The following POLR3B variants were observed in gnomAD, a reference collection of about 807,000 sequenced individuals.
POLR3B encodes the protein RNA polymerase III subunit B.
In POLR3B, 96 loss-of-function variants were observed where a neutral mutation model predicts 147.4. The ratio of observed to expected loss-of-function variants is 0.65; its 90% confidence interval spans 0.55 to 0.77. The LOEUF (loss-of-function observed/expected upper bound fraction) is 0.77. Ranked by LOEUF, POLR3B falls within the 30% of genes least tolerant of loss-of-function variation. The pLI, the probability that POLR3B is intolerant of heterozygous loss-of-function variation, is 0.00. For synonymous variants in POLR3B, 461 were observed against 485.9 expected (o/e 0.95, Z 0.67); for missense variants, 1,036 against 1,413.5 (o/e 0.73, Z 4.28).
Position 106,459,375 on chromosome 12 carries a change from A to G in POLR3B, c.2570+7A>G, listed in dbSNP as rs746039317. 4.5e-6 allele frequency: 6 copies of G among 1,339,284 alleles called. No homozygotes were observed. Among genetic ancestry groups the G allele is most frequent in the South Asian group, 2.3e-5 (2 of 85,736 alleles). The allele number at this position is 1,339,284 out of a possible 1,614,324, so 83.0% of individuals were successfully genotyped here. On this transcript the variant is annotated splice_region_variant and intron_variant, in intron 22 of 27. Transcript: ENST00000228347. ...ACAAAGATGTACCCATAACGTATGT[A>G]TTGGTTGTGCCCTGGTAATATGTAG...
intron 6 of POLR3B, among the ~76,000 whole-genome samples, chr12:106,370,995 A>G (rs1008244764): frequency 6.6e-6 from 1 of 152,148 alleles, no homozygotes; most frequent in Admixed American, 6.6e-5. Flanking sequence ...GTCCAGTTAA[A>G]TTTTGGACCA....
intron 20 of POLR3B, among the ~76,000 whole-genome samples, chr12:106,455,826 G>C (rs974797626): frequency 6.6e-6 from 1 of 152,130 alleles, no homozygotes; most frequent in Non-Finnish European, 1.5e-5. Flanking sequence ...CTTGCTTAAA[G>C]ACACAAATGT....
intron 9 of POLR3B, among the ~76,000 whole-genome samples, chr12:106,392,415 G>A (rs1384181162): frequency 1.3e-5 from 2 of 152,008 alleles, no homozygotes; most frequent in African/African-American, 4.8e-5. Flanking sequence ...CACCTGCCTC[G>A]GCCTCCCAAA....
intron 7 of POLR3B, among the ~76,000 whole-genome samples, chr12:106,377,000 A>G (rs2036690253): frequency 6.6e-6 from 1 of 152,178 alleles, no homozygotes; most frequent in Non-Finnish European, 1.5e-5. Flanking sequence ...ATGATTTGTC[A>G]GTCTTTTCTT....
intron 20 of POLR3B, 134 bp downstream of exon 20, chr12:106,454,845 T>A (rs1593050327): frequency 1.5e-6 from 1 of 675,146 alleles, no homozygotes; most frequent in Non-Finnish European, 2.7e-6. Flanking sequence ...CAGGAGGTGG[T>A]TGGGTTTTGA....
intron 9 of POLR3B, 21 bp downstream of exon 9, chr12:106,380,160 T>A: frequency 7.6e-7 from 1 of 1,310,980 alleles, no homozygotes; most frequent in Non-Finnish European, 1.1e-6. Flanking sequence ...AGCTCTCTTC[T>A]GAAAATTGTA....
chr12:106,408,132 A>C (rs1257070397), intron 11 of POLR3B, among the ~76,000 whole-genome samples: 1 of 152,234 alleles, frequency 6.6e-6, no homozygotes, highest in African/African-American at 2.4e-5. Context: ...CATAGGATGA[A>C]GCTTAGCTTA....
At chr12:106,372,012 A>G (rs2036614556) in intron 6 of POLR3B, among the ~76,000 whole-genome samples, 1 of 152,224 alleles carries the variant, frequency 6.6e-6, no homozygotes, top group South Asian at 2.1e-4. Context: ...TATGTGCCAT[A>G]CTATGATAGG....
intron 11 of POLR3B, among the ~76,000 whole-genome samples, chr12:106,408,878 C>T (rs2037183969): frequency 6.6e-6 from 1 of 152,180 alleles, no homozygotes; most frequent in African/African-American, 2.4e-5. Flanking sequence ...CTAGGGTTTG[C>T]TTTCCAGCAT....
chr12:106,407,393 G>A (rs58591350), intron 11 of POLR3B, among the ~76,000 whole-genome samples: 1,597 of 152,150 alleles, frequency 0.01, 26 homozygotes, highest in African/African-American at 0.036. Flanking sequence ...TATAATATAC[G>A]TAAAGCTCTG....
intron 16 of POLR3B, among the ~76,000 whole-genome samples, chr12:106,436,685 C>T (rs1263755957): frequency 6.6e-6 from 1 of 152,164 alleles, no homozygotes; most frequent in Non-Finnish European, 1.5e-5. Flanking sequence ...TGATACATTA[C>T]ACCGTTTTTT....
chr12:106,405,654 A>T (rs991125698), intron 10 of POLR3B, among the ~76,000 whole-genome samples: 1 of 152,052 alleles, frequency 6.6e-6, no homozygotes, highest in East Asian at 1.9e-4. Flanking sequence ...AGTAAGAGAA[A>T]AAAGGGAACC....
chr12:106,388,192 A>G (rs909678664), intron 9 of POLR3B, among the ~76,000 whole-genome samples: 5 of 152,120 alleles, frequency 3.3e-5, no homozygotes, highest in East Asian at 1.9e-4. Flanking sequence ...CCCACTTTAC[A>G]TTTTGTATTC....
At chr12:106,430,136 T>G in intron 13 of POLR3B, 137 bp from the exon 14 acceptor site, 1 of 755,860 alleles carries the variant, frequency 1.3e-6, no homozygotes, top group East Asian at 2.5e-5. Context: ...TTGTGACACT[T>G]TGATTTCTGA....
chr12:106,409,654 T>G (rs558592497), intron 11 of POLR3B, among the ~76,000 whole-genome samples: 1 of 148,278 alleles, frequency 6.7e-6, no homozygotes, highest in South Asian at 2.2e-4. Context: ...ACAAAATGTA[T>G]GAAGGAGAAT....
At chr12:106,486,996 G>A (rs1035374470) in intron 23 of POLR3B, among the ~76,000 whole-genome samples, 3 of 152,218 alleles carry the variant, frequency 2.0e-5, no homozygotes, top group African/African-American at 7.2e-5. Context: ...TACAGTTAGT[G>A]CACTTGGAAC....
chr12:106,437,512 G>T (rs1249079855), intron 17 of POLR3B, among the ~76,000 whole-genome samples, 169 bp from the exon 18 acceptor site: 1 of 152,112 alleles, frequency 6.6e-6, no homozygotes, highest in Non-Finnish European at 1.5e-5. Flanking sequence ...GCAGTTTGTG[G>T]TTACTGTGTG....
At chr12:106,390,486 G>A (rs892274820) in intron 9 of POLR3B, among the ~76,000 whole-genome samples, 6 of 151,924 alleles carry the variant, frequency 3.9e-5, no homozygotes, top group Non-Finnish European at 8.8e-5. Flanking sequence ...GAATAATCTA[G>A]TTTTGTTTGT....
chr12:106,433,959 C>G, intron 16 of POLR3B, 87 bp downstream of exon 16: 1 of 1,049,420 alleles, frequency 9.5e-7, no homozygotes, highest in Non-Finnish European at 1.4e-6. Context: ...ATTTTTGAAA[C>G]TGTTTTAACC....
Sources: gnomAD v4.1 joint callset for allele counts (sites outside exome capture counted in the v4.1 genomes callset) on GRCh38, gnomAD v4.1.1 for gene constraint, MANE v1.5 for transcripts, NCBI Gene and HGNC (gene_info 2026-07-23, HGNC 2026-07-21) for gene names.